The following SV2C variants were observed in gnomAD, a reference collection of about 807,000 sequenced individuals.
The protein encoded by SV2C is solute carrier family 22 member B3.
SV2C carries 49 observed loss-of-function variants against 79.7 expected under a neutral mutation model. That is an observed-to-expected ratio of 0.61 (90% CI 0.49 to 0.78). The LOEUF is 0.78. Among genes scored for constraint, SV2C ranks in the 30% least tolerant of loss-of-function variants. SV2C has a pLI of 0.00. For missense variants in SV2C, 833 were observed against 912.9 expected (o/e 0.91, Z 1.13); for synonymous variants, 334 against 333.2 (o/e 1.00, Z -0.03).
At chr5:75,878,716 T>G in the SV2C span, among the ~76,000 whole-genome samples, 1 of 152,148 alleles carries the variant, frequency 6.6e-6, no homozygotes, top group African/African-American at 2.4e-5. Flanking sequence ...CATACCCTAC[T>G]CTGGCCATAC....
At chr5:76,154,533 G>A (rs753982572) in intron 2 of SV2C, among the ~76,000 whole-genome samples, 2 of 152,100 alleles carry the variant, frequency 1.3e-5, no homozygotes, top group Non-Finnish European at 2.9e-5. Flanking sequence ...TGAGTGCTAC[G>A]CTGCATCACA....
chr5:75,901,153 G>A, the SV2C span, among the ~76,000 whole-genome samples: 1 of 152,202 alleles, frequency 6.6e-6, no homozygotes, highest in African/African-American at 2.4e-5. Flanking sequence ...TGGAAGAGGA[G>A]AGTCGCTCTG....
At chr5:76,081,806 A>G (rs543879742), upstream of SV2C, 119 of 152,300 alleles carry the variant, frequency 7.8e-4, no homozygotes, top group Non-Finnish European at 1.4e-3. Context: ...AGTATCCTGC[A>G]TAGTGGCACA....
chr5:76,062,418 A>G, the SV2C span, among the ~76,000 whole-genome samples: 1 of 152,086 alleles, frequency 6.6e-6, no homozygotes, highest in Non-Finnish European at 1.5e-5. Context: ...CCTACAAGGC[A>G]CCATCTTGGA....
intron 2 of SV2C, among the ~76,000 whole-genome samples, chr5:76,133,969 GT>G: frequency 6.6e-6 from 1 of 152,220 alleles, no homozygotes; most frequent in East Asian, 1.9e-4. Flanking sequence ...ATATTTTAAT[GT>G]TATGGTCCCA....
the SV2C span, among the ~76,000 whole-genome samples, chr5:75,900,080 G>A: frequency 1.3e-5 from 2 of 152,038 alleles, no homozygotes; most frequent in African/African-American, 4.8e-5. Context: ...AGTTAATATT[G>A]TTATGTGTGA....
chr5:76,090,775 C>A (rs1747350786), intron 1 of SV2C, among the ~76,000 whole-genome samples: 1 of 152,106 alleles, frequency 6.6e-6, no homozygotes, highest in African/African-American at 2.4e-5. Context: ...CAAATGTATG[C>A]AAGATAAGTA....
chr5:75,892,383 A>G, the SV2C span, among the ~76,000 whole-genome samples: 1 of 151,988 alleles, frequency 6.6e-6, no homozygotes, highest in Admixed American at 6.6e-5. Flanking sequence ...TTTAAAGTAT[A>G]GTCATCCTAT....
At chr5:75,977,739 C>G in the SV2C span, among the ~76,000 whole-genome samples, 1 of 152,278 alleles carries the variant, frequency 6.6e-6, no homozygotes, top group African/African-American at 2.4e-5. Context: ...TTCGTGCCTG[C>G]CTAATGGATG....
chr5:75,888,759 A>G, the SV2C span, among the ~76,000 whole-genome samples: 1 of 152,030 alleles, frequency 6.6e-6, no homozygotes, highest in East Asian at 1.9e-4. Context: ...GACCCTTGCT[A>G]AACTGTAAAT....
the SV2C span, among the ~76,000 whole-genome samples, chr5:75,887,964 C>T: frequency 6.6e-6 from 1 of 152,154 alleles, no homozygotes; most frequent in Admixed American, 6.5e-5. Context: ...GTAGCCAAAG[C>T]TGAGACTGCA....
intron 5 of SV2C, 41 bp from the exon 6 acceptor site, chr5:76,285,740 G>A (rs766685637): frequency 1.9e-6 from 3 of 1,559,874 alleles, no homozygotes; most frequent in East Asian, 2.2e-5. Flanking sequence ...GAGGGTAAGT[G>A]TGTCACTCCT....
chr5:76,171,547 C>A lies in SV2C; in HGVS notation c.581-23372C>A, dbSNP rs1274452494. ...AGTGAGGAGCCTCTCCGCCCGGCAGCCACCCCATCTGGGAAGTGAGGAGCG... is the reference window on the plus strand; with the variant it reads ...AGTGAGGAGCCTCTCCGCCCGGCAGACACCCCATCTGGGAAGTGAGGAGCG... On this transcript the variant is annotated intron_variant, in intron 2 of 12. Coordinates refer to ENST00000502798, the MANE Select transcript of SV2C (RefSeq NM_014979.4). Among the ~76,000 whole-genome samples the A allele has an allele frequency of 7.8e-4, 112 of 143,086 alleles. 5 individuals carry two copies. The highest frequency in any genetic ancestry group is 2.6e-3 in the African/African-American group (103 of 40,032). 93.9% of individuals were successfully genotyped at this position (143,086 alleles called of 152,430 possible).
chr5:76,108,968 G>A (rs1748014356), intron 1 of SV2C, among the ~76,000 whole-genome samples: 1 of 152,134 alleles, frequency 6.6e-6, no homozygotes, highest in Admixed American at 6.5e-5. Flanking sequence ...CCAATATCTG[G>A]CCAACGAGAG....
the SV2C span, among the ~76,000 whole-genome samples, chr5:76,041,435 G>T: frequency 6.6e-6 from 1 of 152,070 alleles, no homozygotes; most frequent in African/African-American, 2.4e-5. Flanking sequence ...TACCCCTTAG[G>T]CCTGCACATC....
intron 1 of SV2C, among the ~76,000 whole-genome samples, chr5:76,089,242 T>C (rs759601821): frequency 1.2e-4 from 19 of 152,168 alleles, no homozygotes; most frequent in Non-Finnish European, 2.5e-4. Flanking sequence ...TATGTTCTCA[T>C]TGTTCAGCTC....
the SV2C span, among the ~76,000 whole-genome samples, chr5:75,883,003 A>T: frequency 6.7e-6 from 1 of 148,688 alleles, no homozygotes; most frequent in Non-Finnish European, 1.5e-5. Context: ...AGAAAAAAAC[A>T]AACAACCCCA....
chr5:76,348,766 C>T (rs371656899), intron 12 of SV2C, among the ~76,000 whole-genome samples: 6 of 152,110 alleles, frequency 3.9e-5, no homozygotes, highest in East Asian at 1.9e-4. Context: ...TTTGGGAGGC[C>T]GAGGCAGGTA....
chr5:76,168,179 C>T (rs912301615), intron 2 of SV2C, among the ~76,000 whole-genome samples: 12 of 152,232 alleles, frequency 7.9e-5, no homozygotes, highest in African/African-American at 2.6e-4. Context: ...CCTACTCCTG[C>T]CCAATTGTAT....
Sources: allele counts gnomAD v4.1 joint callset (sites outside exome capture counted in the v4.1 genomes callset), GRCh38; gene constraint gnomAD v4.1.1; transcripts MANE v1.5; gene names NCBI Gene and HGNC (gene_info 2026-07-23, HGNC 2026-07-21).